CNTN5: variants seen among roughly 807,000 people sequenced by gnomAD.
The protein encoded by CNTN5 is contactin-5.
In CNTN5, 77 loss-of-function variants were observed where a neutral mutation model predicts 129.1. The observed-to-expected ratio is 0.60, with a 90% CI of 0.50 to 0.72. CNTN5 has a LOEUF of 0.72. CNTN5 is among the 30% of genes least tolerant of loss of function. The pLI is 0.00. For synonymous variants in CNTN5, 509 were observed against 465.6 expected, an observed-to-expected ratio of 1.09 and a Z score of -1.20; for missense variants, 1,478 against 1,328.8, an observed-to-expected ratio of 1.11 and a Z score of -1.75.
At chr11:99,699,022 C>T (rs1194935011) in intron 3 of CNTN5, among the ~76,000 whole-genome samples, 1 of 150,596 alleles carries the variant, frequency 6.6e-6, no homozygotes, top group East Asian at 2.0e-4. Context: ...AAGAGAAGTT[C>T]ATAGGGACAT....
At chr11:99,853,616 G>C (rs1429523831) in intron 6 of CNTN5, among the ~76,000 whole-genome samples, 2 of 152,162 alleles carry the variant, frequency 1.3e-5, no homozygotes, top group East Asian at 1.9e-4. Flanking sequence ...GGTCAGCCTG[G>C]TCTGGAACTC....
chr11:99,886,538 T>G lies in CNTN5; in HGVS notation c.578-29516T>G, dbSNP rs1948905639. On this transcript the variant is annotated intron_variant, in intron 6 of 24. Coordinates refer to ENST00000524871, the MANE Select transcript of CNTN5 (RefSeq NM_014361.4). ...GTTGAAATTTCATAATATCAAGTAT[T>G]AGAGAGGTGTGGGTTAAGAATTCAT... Among the ~76,000 whole-genome samples, 4 of 152,270 alleles carry G rather than the reference T, an allele frequency of 2.6e-5. No homozygotes were observed. In the South Asian group the frequency reaches 8.3e-4, roughly 32 times the overall value.
At chr11:99,058,539 T>C (rs2135201142) in intron 1 of CNTN5, among the ~76,000 whole-genome samples, 1 of 152,116 alleles carries the variant, frequency 6.6e-6, no homozygotes, top group African/African-American at 2.4e-5. Context: ...CACACATACA[T>C]AGAAAGTTAC....
At chr11:100,007,664 A>G (rs1940279005) in intron 9 of CNTN5, among the ~76,000 whole-genome samples, 1 of 152,068 alleles carries the variant, frequency 6.6e-6, no homozygotes, top group Admixed American at 6.6e-5. Flanking sequence ...GGCTTCAGGG[A>G]ATGTTGTGGC....
intron 2 of CNTN5, among the ~76,000 whole-genome samples, chr11:99,471,092 A>G (rs1945153507): frequency 6.6e-6 from 1 of 151,990 alleles, no homozygotes; most frequent in Non-Finnish European, 1.5e-5. Flanking sequence ...CATTTCACAA[A>G]CTTTCCAGAT....
chr11:100,320,887 C>T (rs141524378), intron 21 of CNTN5, among the ~76,000 whole-genome samples: 7 of 152,012 alleles, frequency 4.6e-5, no homozygotes, highest in African/African-American at 1.2e-4. Context: ...ATTAATTTCC[C>T]GGTGTTTTAT....
chr11:99,425,991 T>C (rs1482802148), intron 2 of CNTN5, among the ~76,000 whole-genome samples: 2 of 152,216 alleles, frequency 1.3e-5, no homozygotes, highest in East Asian at 3.9e-4. Context: ...AACATAATTA[T>C]AATTACTACT....
At chr11:100,113,171 T>C (rs933568504) in intron 13 of CNTN5, among the ~76,000 whole-genome samples, 2 of 151,880 alleles carry the variant, frequency 1.3e-5, no homozygotes, top group Admixed American at 6.6e-5. Flanking sequence ...TCCAACACCA[T>C]AGCCACTGTT....
chr11:99,802,814 AG>A (rs1476137535), intron 3 of CNTN5, among the ~76,000 whole-genome samples: 1 of 152,180 alleles, frequency 6.6e-6, no homozygotes, highest in Non-Finnish European at 1.5e-5. Flanking sequence ...AAGCTGTTCC[AG>A]GTGAGTAGGT....
chr11:99,529,039 C>T (rs1454889109), intron 2 of CNTN5, among the ~76,000 whole-genome samples: 1 of 152,148 alleles, frequency 6.6e-6, no homozygotes, highest in Non-Finnish European at 1.5e-5. Flanking sequence ...TGTGCCATTG[C>T]ACTCCAGCCT....
intron 2 of CNTN5, among the ~76,000 whole-genome samples, chr11:99,477,906 G>A (rs1208237995): frequency 1.3e-5 from 2 of 151,762 alleles, no homozygotes; most frequent in Non-Finnish European, 2.9e-5. Flanking sequence ...TAATTAGTAA[G>A]TGAAAAACTG....
At chr11:100,229,484 CT>C (rs111348567) in intron 16 of CNTN5, among the ~76,000 whole-genome samples, 3,684 of 152,228 alleles carry the variant, frequency 0.024, 126 homozygotes, top group African/African-American at 0.071. Context: ...ATTTAGGAAT[CT>C]TTGATTAAAT....
chr11:99,777,578 AG>A (rs1258215018), intron 3 of CNTN5, among the ~76,000 whole-genome samples: 1 of 151,854 alleles, frequency 6.6e-6, no homozygotes, highest in Non-Finnish European at 1.5e-5. Flanking sequence ...TCAATCAAAA[AG>A]TGTTAATTCT....
intron 2 of CNTN5, among the ~76,000 whole-genome samples, chr11:99,415,037 T>C (rs1213221668): frequency 2.9e-5 from 4 of 136,080 alleles, no homozygotes; most frequent in Admixed American, 8.1e-5. Flanking sequence ...TTCTCATGGA[T>C]TATTTCAACA....
intron 3 of CNTN5, among the ~76,000 whole-genome samples, chr11:99,804,556 A>T (rs967447752): frequency 6.8e-5 from 10 of 147,780 alleles, no homozygotes; most frequent in Non-Finnish European, 6.0e-5. Flanking sequence ...TCAGTAAAGT[A>T]TGATATTACA....
intron 1 of CNTN5, among the ~76,000 whole-genome samples, chr11:99,130,259 A>T (rs554425958): frequency 6.6e-6 from 1 of 152,340 alleles, no homozygotes; most frequent in Admixed American, 6.5e-5. Flanking sequence ...AAATAAAAAG[A>T]TGGAGGGAGA....
chr11:99,780,805 A>C (rs1395045494), intron 3 of CNTN5, among the ~76,000 whole-genome samples: 5 of 152,064 alleles, frequency 3.3e-5, no homozygotes, highest in Non-Finnish European at 5.9e-5. Context: ...ACTGTGCCAC[A>C]CTGTCAATAA....
chr11:100,007,367 T>A (rs1264751808), intron 9 of CNTN5, among the ~76,000 whole-genome samples: 3 of 152,102 alleles, frequency 2.0e-5, no homozygotes, highest in African/African-American at 2.4e-5. Flanking sequence ...AAGTCCTAGG[T>A]TGCATCTTCT....
At chr11:99,453,396 T>G (rs922018826) in intron 2 of CNTN5, among the ~76,000 whole-genome samples, 2 of 152,154 alleles carry the variant, frequency 1.3e-5, no homozygotes, top group African/African-American at 4.8e-5. Flanking sequence ...CTGAAACCAT[T>G]TGCTGTGAAT....
Sources: allele counts gnomAD v4.1 joint callset (sites outside exome capture counted in the v4.1 genomes callset), GRCh38; gene constraint gnomAD v4.1.1; transcripts MANE v1.5; gene names NCBI Gene and HGNC (gene_info 2026-07-23, HGNC 2026-07-21).